Variants in WDR17 observed in about 807,000 individuals in gnomAD.
WDR17 encodes WD repeat-containing protein 17.
A neutral mutation model predicts 161.7 loss-of-function variants in WDR17; 143 were observed. That is an observed-to-expected ratio of 0.88 (90% confidence interval 0.77 to 1.02). The LOEUF is 1.02. Among genes scored for constraint, WDR17 ranks in the 50% least tolerant of loss-of-function variants. WDR17 has a pLI of 0.00. For missense variants in WDR17, 1,469 were observed against 1,520.9 expected (o/e 0.97, Z 0.57); for synonymous variants, 517 against 515.6 (o/e 1.00, Z -0.04).
intron 1 of WDR17, among the ~76,000 whole-genome samples, chr4:176,086,494 G>GT (rs1735435745): frequency 6.6e-6 from 1 of 151,800 alleles, no homozygotes; most frequent in Admixed American, 6.6e-5. Flanking sequence ...GATGCAACCA[G>GT]TTTTAGGATT....
At chr4:176,154,638 TTTC>T (rs1747777539) in intron 17 of WDR17, among the ~76,000 whole-genome samples, 1 of 152,220 alleles carries the variant, frequency 6.6e-6, no homozygotes, top group Non-Finnish European at 1.5e-5. Flanking sequence ...TTGCAACTTC[TTTC>T]TTCTGTTAGA....
At chr4:176,177,037 A>G in intron 26 of WDR17, 21 bp from the exon 27 acceptor site, 1 of 1,583,580 alleles carries the variant, frequency 6.3e-7, no homozygotes, top group Non-Finnish European at 8.7e-7. Context: ...TCAGATGTTA[A>G]TTTCCTTTTC....
At chr4:176,105,685 A>G (rs1738601781) in intron 1 of WDR17, among the ~76,000 whole-genome samples, 1 of 152,172 alleles carries the variant, frequency 6.6e-6, no homozygotes, top group African/African-American at 2.4e-5. Context: ...AAAGCACAAC[A>G]TACCAAAACT....
chr4:176,119,847 C>G lies in WDR17; in HGVS notation c.308-20C>G. 3 of 1,595,156 alleles carry G rather than the reference C, an allele frequency of 1.9e-6. No homozygotes were observed. The highest frequency in any genetic ancestry group is 2.2e-5 in the South Asian group (2 of 90,548). On this transcript the variant is annotated intron_variant, in intron 3 of 28. Transcript: ENST00000508596. ...CTTATGCTGTATCTTTATTATGTAT[C>G]TGTATTTAATGTATTCCAGGGATCC...
chr4:176,076,853 T>C (rs1734110158), intron 1 of WDR17, among the ~76,000 whole-genome samples: 1 of 152,078 alleles, frequency 6.6e-6, no homozygotes. Flanking sequence ...CCAAACTCTT[T>C]CTTCTTGGAT....
At chr4:176,143,755 GT>G (rs1223034356) in intron 11 of WDR17, among the ~76,000 whole-genome samples, 1 of 151,868 alleles carries the variant, frequency 6.6e-6, no homozygotes, top group Admixed American at 6.6e-5. Context: ...TAACATTTGG[GT>G]TTTTTTAGAG....
chr4:176,069,025 A>G (rs758713221), intron 1 of WDR17, among the ~76,000 whole-genome samples: 4 of 152,226 alleles, frequency 2.6e-5, no homozygotes, highest in Non-Finnish European at 5.9e-5. Flanking sequence ...ACGATTAATT[A>G]GAAAGATTTG....
At chr4:176,171,081 A>T (rs1750666467) in intron 23 of WDR17, among the ~76,000 whole-genome samples, 1 of 152,192 alleles carries the variant, frequency 6.6e-6, no homozygotes, top group African/African-American at 2.4e-5. Flanking sequence ...TGAAAAACAG[A>T]ATGGTGGTGT....
intron 1 of WDR17, among the ~76,000 whole-genome samples, chr4:176,097,048 GTTAA>G (rs1442436273): frequency 6.6e-6 from 1 of 151,814 alleles, no homozygotes; most frequent in Non-Finnish European, 1.5e-5. Flanking sequence ...TTTTTAGGCG[GTTAA>G]TTAATTATGT....
At position 176,162,136 on chromosome 4, in the gene WDR17, C is replaced by T. The variant is rs1373406093; in HGVS notation, c.2812C>T (p.Leu938=). ...EWYFQDGRAV[L]AACCHLAIDN... is the part of the protein sequence containing the mutation. ...GTATTTTCAAGATGGTCGAGCAGTA[C>T]TAGCCGCATGTTGCCATCTTGCCAT... The change falls in exon 21 of 29, where the codon CTA becomes TTA. Residue 938 remains leucine, a synonymous_variant. Transcript: ENST00000508596. The T allele has an allele frequency of 1.9e-6, 3 of 1,613,204 alleles. No homozygotes were observed. In the Admixed American group the frequency reaches 5.0e-5, roughly 27 times the overall value.
chr4:176,084,456 A>G (rs1735164286), intron 1 of WDR17, among the ~76,000 whole-genome samples: 1 of 152,114 alleles, frequency 6.6e-6, no homozygotes, highest in Non-Finnish European at 1.5e-5. Context: ...CCTCTATAAT[A>G]CAGACACCTT....
At chr4:176,155,716 A>AAAATATATATATAT (rs1554033763) in intron 17 of WDR17, among the ~76,000 whole-genome samples, 2 of 130,294 alleles carry the variant, frequency 1.5e-5, no homozygotes, top group African/African-American at 6.0e-5. Context: ...GACTAATTAA[A>AAAATATATATATAT]ATATATATAT....
intron 4 of WDR17, among the ~76,000 whole-genome samples, chr4:176,122,887 GTA>G (rs1741833124): frequency 6.6e-6 from 1 of 152,262 alleles, no homozygotes; most frequent in Admixed American, 6.5e-5. Flanking sequence ...TTATGTGTGT[GTA>G]TTGAGGGTAG....
At chr4:176,098,521 C>T (rs752715314) in intron 1 of WDR17, among the ~76,000 whole-genome samples, 1 of 151,718 alleles carries the variant, frequency 6.6e-6, no homozygotes, top group Non-Finnish European at 1.5e-5. Flanking sequence ...GGACTGTTTT[C>T]TGTTTTTAGT....
At chr4:176,078,157 A>G (rs1316163355) in intron 1 of WDR17, among the ~76,000 whole-genome samples, 1 of 152,036 alleles carries the variant, frequency 6.6e-6, no homozygotes, top group Non-Finnish European at 1.5e-5. Context: ...ATATGGATAC[A>G]TTTTTTAAAT....
chr4:176,171,721 G>T (rs1485950580), intron 23 of WDR17, among the ~76,000 whole-genome samples: 2 of 152,012 alleles, frequency 1.3e-5, no homozygotes, highest in African/African-American at 4.8e-5. Context: ...TTATAAGGAA[G>T]CAGACCAACT....
chr4:176,132,734 A>G (rs1441721140), intron 7 of WDR17, among the ~76,000 whole-genome samples: 1 of 151,880 alleles, frequency 6.6e-6, no homozygotes, highest in African/African-American at 2.4e-5. Context: ...TTTTCTTTTT[A>G]TATAAACTCT....
In WDR17 at chr4:176,172,384, C is replaced by T. The variant is rs1276576794; in HGVS notation, c.3112C>T (p.Pro1038Ser). The T allele has an allele frequency of 1.2e-6, 2 of 1,606,992 alleles. No homozygotes were observed. Among genetic ancestry groups the T allele is most frequent in the African/African-American group, 1.3e-5 (1 of 74,498 alleles). The change falls in exon 24 of 29, where the codon CCC becomes TCC. Residue 1038 changes from proline (P) to serine (S), a missense_variant. Coordinates refer to ENST00000508596, the MANE Select transcript of WDR17 (RefSeq NM_181265.4). ...ATCAATTATTTTCTAGTGTAAGCTA[C>T]CCACAGTGGAAGAATGTATGCAGTT... ...INDLHDKCKLPTVEECMQLAE... is the reference protein window; with the variant it reads ...INDLHDKCKLSTVEECMQLAE...
Position 176,080,538 on chromosome 4 carries a change from G to C in WDR17, c.-7+14459G>C, listed in dbSNP as rs184427465. ...GGTAAGTGAAAGAGATGTTTCAGGA[G>C]GGTGGATTCAACTGTGATCCAACGT... On this transcript the variant is annotated intron_variant, in intron 1 of 28. Transcript: ENST00000508596. Among the ~76,000 whole-genome samples the C allele has an allele frequency of 3.1e-4, 47 of 152,224 alleles. No individual in the cohort carries two copies. In the East Asian group the frequency reaches 8.9e-3, roughly 29 times the overall value.
Sources: gnomAD v4.1 joint callset for allele counts (sites outside exome capture counted in the v4.1 genomes callset) on GRCh38, gnomAD v4.1.1 for gene constraint, MANE v1.5 for transcripts, NCBI Gene and HGNC (gene_info 2026-07-23, HGNC 2026-07-21) for gene names.